RTTN: variants seen among roughly 807,000 people sequenced by gnomAD.
RTTN encodes rotatin.
Under a neutral mutation model 269.2 loss-of-function variants are expected in RTTN, and 182 were observed. That is an observed-to-expected ratio of 0.68 (90% confidence interval 0.60 to 0.76). The LOEUF is 0.76. RTTN is among the 30% of genes least tolerant of loss of function. The pLI, the probability that RTTN is intolerant of heterozygous loss-of-function variation, is 0.00. For missense variants in RTTN, 2,545 were observed against 2,608.6 expected (o/e 0.98, Z 0.53); for synonymous variants, 1,006 against 963.5 (o/e 1.04, Z -0.82).
At chr18:70,070,042 T>C (rs1418194104) in intron 34 of RTTN, among the ~76,000 whole-genome samples, 2 of 152,230 alleles carry the variant, frequency 1.3e-5, no homozygotes, top group African/African-American at 2.4e-5. Flanking sequence ...ACTAATAGAT[T>C]CATAATTCAA....
At chr18:70,064,765 C>T (rs947342763) in intron 35 of RTTN, among the ~76,000 whole-genome samples, 3 of 151,988 alleles carry the variant, frequency 2.0e-5, no homozygotes, top group Middle Eastern at 3.2e-3. Context: ...ATCGTGGTGA[C>T]GGTTGCACAA....
At chr18:70,188,510 T>C (rs1030613762) in intron 9 of RTTN, among the ~76,000 whole-genome samples, 1 of 152,176 alleles carries the variant, frequency 6.6e-6, no homozygotes, top group African/African-American at 2.4e-5. Flanking sequence ...ATTAAAATAA[T>C]TTTTCGAATT....
rs552507293 is a variant in RTTN, at chr18:70,043,525, AT to A, written c.5541+4445del. Among the ~76,000 whole-genome samples, 8 of 152,358 alleles carry A rather than the reference AT, an allele frequency of 5.3e-5. No homozygotes were observed. In the South Asian group the frequency reaches 1.2e-3, roughly 24 times the overall value. On this transcript the variant is annotated intron_variant, in intron 40 of 48. Coordinates refer to ENST00000640769, the MANE Select transcript of RTTN (RefSeq NM_173630.4). ...AAAACTGAATAATCAAGACAAAAAAATATAAGCATGTTATTTAGAGACATGA... is the reference window on the plus strand; with the variant it reads ...AAAACTGAATAATCAAGACAAAAAAAATAAGCATGTTATTTAGAGACATGA...
At chr18:70,113,749 G>C (rs910965174) in intron 27 of RTTN, among the ~76,000 whole-genome samples, 1 of 152,160 alleles carries the variant, frequency 6.6e-6, no homozygotes, top group Admixed American at 6.5e-5. Flanking sequence ...AGTATGCAAG[G>C]AGCTTGGAAA....
At chr18:70,153,432 A>C (rs1844260646) in intron 14 of RTTN, among the ~76,000 whole-genome samples, 1 of 152,162 alleles carries the variant, frequency 6.6e-6, no homozygotes, top group South Asian at 2.1e-4. Context: ...ATATCACTAC[A>C]GTCTAGCATA....
rs116926251 is a variant in RTTN, at chr18:70,052,084, A to G, written c.5186-536T>C. Among the ~76,000 whole-genome samples, 928 of 152,288 alleles carry G rather than the reference A, an allele frequency of 6.1e-3. 3 individuals are homozygous for G. The highest frequency in any genetic ancestry group is 0.01 in the Middle Eastern group (3 of 294). On this transcript the variant is annotated intron_variant, in intron 38 of 48. Coordinates refer to ENST00000640769, the MANE Select transcript of RTTN (RefSeq NM_173630.4). ...AAAAGAAGATTCTGCAGCTTTTCCT[A>G]TGGCTAAGGATGTAGCAATTCTAGG...
At chr18:70,102,807 T>C (rs1176179734) in intron 28 of RTTN, among the ~76,000 whole-genome samples, 2 of 152,228 alleles carry the variant, frequency 1.3e-5, no homozygotes, top group African/African-American at 4.8e-5. Context: ...CTGTAAAAGA[T>C]TTTATTTCTC....
At chr18:70,154,536 T>C (rs8099428) in intron 14 of RTTN, among the ~76,000 whole-genome samples, 14,575 of 152,164 alleles carry the variant, frequency 0.096, 1,473 homozygotes, top group African/African-American at 0.26. Context: ...ACCTGCCCTA[T>C]AACTGAGGAC....
Position 70,012,632 on chromosome 18 carries a change from T to G in RTTN, c.6421+4775A>C, listed in dbSNP as rs181077869. 7.5e-3 allele frequency among the ~76,000 whole-genome samples: 1,139 copies of G among 151,330 alleles called. 7 individuals are homozygous for G. Among genetic ancestry groups the G allele is most frequent in the Admixed American group, 0.011 (166 of 15,202 alleles). On this transcript the variant is annotated intron_variant, in intron 46 of 48. Transcript: ENST00000640769. Reference sequence around the variant, plus strand: ...GAGGGCAGCATCTGCTCACTGGTATTAGTTACAGCACAGTGTCTGCTCACT... The same window carrying G: ...GAGGGCAGCATCTGCTCACTGGTATGAGTTACAGCACAGTGTCTGCTCACT...
intron 32 of RTTN, among the ~76,000 whole-genome samples, chr18:70,081,109 C>T (rs1044582737): frequency 1.3e-5 from 2 of 152,034 alleles, no homozygotes; most frequent in Non-Finnish European, 2.9e-5. Context: ...CACTCATAAG[C>T]GGGAGCTATG....
intron 37 of RTTN, among the ~76,000 whole-genome samples, chr18:70,057,387 T>C (rs1427351681): frequency 6.6e-6 from 1 of 152,220 alleles, no homozygotes; most frequent in Non-Finnish European, 1.5e-5. Flanking sequence ...ACTTTAACTT[T>C]GGTGTAAATA....
intron 3 of RTTN, among the ~76,000 whole-genome samples, chr18:70,203,410 G>C (rs2062001555): frequency 6.6e-6 from 1 of 152,110 alleles, no homozygotes; most frequent in Non-Finnish European, 1.5e-5. Context: ...GCACCATGTT[G>C]GTCAGGCTGG....
intron 40 of RTTN, among the ~76,000 whole-genome samples, chr18:70,038,184 A>G (rs11151559): frequency 0.78 from 118,692 of 152,158 alleles, 52,356 homozygotes; most frequent in East Asian, 1. Flanking sequence ...GTCTGGGGGA[A>G]CTTACTGCTC....
intron 28 of RTTN, among the ~76,000 whole-genome samples, chr18:70,109,220 T>C (rs774899400): frequency 6.6e-4 from 100 of 152,320 alleles, no homozygotes; most frequent in Middle Eastern, 6.8e-3. Context: ...TGGTTGAGCA[T>C]TCCTAATCCA....
intron 14 of RTTN, among the ~76,000 whole-genome samples, chr18:70,156,137 G>A (rs183649037): frequency 9.9e-5 from 15 of 152,282 alleles, no homozygotes; most frequent in South Asian, 4.1e-4. Flanking sequence ...TCTGACTGCC[G>A]GTGAGCCGGG....
chr18:70,148,517 T>C (rs1356767071), intron 17 of RTTN, among the ~76,000 whole-genome samples: 2 of 152,218 alleles, frequency 1.3e-5, no homozygotes, highest in Non-Finnish European at 2.9e-5. Flanking sequence ...AAAAACTGAA[T>C]ATTCAGAACA....
intron 14 of RTTN, among the ~76,000 whole-genome samples, chr18:70,161,094 AC>A (rs2060816524): frequency 1.3e-5 from 2 of 152,240 alleles, no homozygotes; most frequent in Non-Finnish European, 2.9e-5. Context: ...CTGACTTCAA[AC>A]TATACTATGG....
At chr18:70,152,054 T>C (rs1182700047) in intron 14 of RTTN, among the ~76,000 whole-genome samples, 1 of 152,174 alleles carries the variant, frequency 6.6e-6, no homozygotes, top group Non-Finnish European at 1.5e-5. Context: ...ATCCAACGTG[T>C]TCATCTCTGT....
intron 11 of RTTN, among the ~76,000 whole-genome samples, chr18:70,169,313 A>C (rs2061075667): frequency 6.6e-6 from 1 of 150,670 alleles, no homozygotes; most frequent in South Asian, 2.1e-4. Flanking sequence ...CTAAGATACT[A>C]ACTACTTTCT....
Sources: gnomAD v4.1 joint callset for allele counts (sites outside exome capture counted in the v4.1 genomes callset) on GRCh38, gnomAD v4.1.1 for gene constraint, MANE v1.5 for transcripts, NCBI Gene and HGNC (gene_info 2026-07-23, HGNC 2026-07-21) for gene names.